The following RGL1 variants were observed in gnomAD, a reference collection of about 807,000 sequenced individuals.
RGL1 encodes ral guanine nucleotide dissociation stimulator like 1, also known as ral guanine nucleotide dissociation stimulator-like 1.
In RGL1, 24 loss-of-function variants were observed where a neutral mutation model predicts 95.2. The observed-to-expected ratio is 0.25, with a 90% CI of 0.18 to 0.35. The LOEUF (loss-of-function observed/expected upper bound fraction) is 0.35, where lower values mean the gene tolerates loss of function less well. RGL1 is among the 10% of genes least tolerant of loss of function. The pLI, the probability that RGL1 is intolerant of heterozygous loss-of-function variation, is 1.00. For synonymous variants in RGL1, 329 were observed against 344.9 expected, an observed-to-expected ratio of 0.95 and a Z score of 0.51; for missense variants, 715 against 936.3, an observed-to-expected ratio of 0.76 and a Z score of 3.08.
At chr1:183,796,708 C>T (rs1345994442) in intron 2 of RGL1, among the ~76,000 whole-genome samples, 1 of 152,102 alleles carries the variant, frequency 6.6e-6, no homozygotes, top group African/African-American at 2.4e-5. Context: ...AAAGGAGATT[C>T]CTTCAGTCCC....
At chr1:183,652,053 AGATT>A (rs1236370804) in intron 1 of RGL1, among the ~76,000 whole-genome samples, 2 of 152,224 alleles carry the variant, frequency 1.3e-5, no homozygotes, top group Non-Finnish European at 2.9e-5. Flanking sequence ...GACAATTTAC[AGATT>A]GATTTGGCTA....
intron 1 of RGL1, among the ~76,000 whole-genome samples, chr1:183,707,998 AATTTCTCCCC>A (rs1344608451): frequency 6.6e-6 from 1 of 152,184 alleles, no homozygotes; most frequent in African/African-American, 2.4e-5. Context: ...GGACATAAGG[AATTTCTCCCC>A]ATTTCTCCAG....
chr1:183,762,283 TGTAAC>T (rs1658710506), intron 2 of RGL1, among the ~76,000 whole-genome samples: 1 of 152,208 alleles, frequency 6.6e-6, no homozygotes, highest in African/African-American at 2.4e-5. Flanking sequence ...GCAAGAGATG[TGTAAC>T]TCTTCCTTTC....
chr1:183,913,179 C>CTTT (rs1366788766), intron 15 of RGL1, among the ~76,000 whole-genome samples: 2 of 101,676 alleles, frequency 2.0e-5, no homozygotes, highest in East Asian at 2.5e-4. Context: ...TAAGACCAGT[C>CTTT]TTCTTTTTTT....
Position 183,805,127 on chromosome 1 carries a change from G to A in RGL1, c.-171G>A, listed in dbSNP as rs1661195013. Reference sequence around the variant, plus strand: ...GCTCGCCGCGCTCCCTTTGTGGCCCGAGTCGCGCGCACCGGCGGCGGCGGG... The same window carrying A: ...GCTCGCCGCGCTCCCTTTGTGGCCCAAGTCGCGCGCACCGGCGGCGGCGGG... On this transcript the variant is annotated 5_prime_UTR_variant, in exon 1 of 18. Coordinates refer to ENST00000360851, the MANE Select transcript of RGL1 (RefSeq NM_001297671.3). 1.2e-6 allele frequency: 1 copy of A among 800,114 alleles called. No individual in the cohort carries two copies. The highest frequency in any genetic ancestry group is 3.7e-5 in the East Asian group (1 of 27,034). The allele number at this position is 800,114 out of a possible 1,614,324, so 49.6% of individuals were successfully genotyped here. A position where few individuals can be genotyped will look rare whatever the true frequency, so the allele number is the denominator to read the frequency against.
chr1:183,689,304 G>A (rs889084107), intron 1 of RGL1, among the ~76,000 whole-genome samples: 11 of 152,182 alleles, frequency 7.2e-5, no homozygotes, highest in African/African-American at 2.7e-4. Context: ...TGGCCTTACT[G>A]AAATGGAGGC....
chr1:183,846,775 G>A (rs1446443434), intron 2 of RGL1, among the ~76,000 whole-genome samples: 1 of 152,128 alleles, frequency 6.6e-6, no homozygotes, highest in Non-Finnish European at 1.5e-5. Context: ...AGCTACTCGG[G>A]AGGCTGAGGC....
intron 2 of RGL1, chr1:183,754,431 TA>T (rs1272627062): frequency 6.6e-6 from 1 of 152,126 alleles, no homozygotes; most frequent in East Asian, 1.9e-4. Context: ...CTTAACATAA[TA>T]AAAGTTTATT....
intron 16 of RGL1, among the ~76,000 whole-genome samples, chr1:183,919,161 G>A (rs1478903392): frequency 6.6e-6 from 1 of 152,208 alleles, no homozygotes; most frequent in African/African-American, 2.4e-5. Flanking sequence ...CACATTGCAT[G>A]TTAATGTAAA....
chr1:183,701,846 A>T (rs1654615197), intron 1 of RGL1, among the ~76,000 whole-genome samples: 1 of 152,172 alleles, frequency 6.6e-6, no homozygotes, highest in Admixed American at 6.5e-5. Flanking sequence ...CTGAGGCAAG[A>T]GAATTGCTTG....
intron 2 of RGL1, among the ~76,000 whole-genome samples, chr1:183,770,570 C>G (rs1174370657): frequency 6.6e-6 from 1 of 152,160 alleles, no homozygotes; most frequent in Non-Finnish European, 1.5e-5. Flanking sequence ...AGACCAGTCT[C>G]AAATCCGTCT....
chr1:183,657,447 C>T (rs1221016850), intron 1 of RGL1, among the ~76,000 whole-genome samples: 2 of 152,170 alleles, frequency 1.3e-5, no homozygotes, highest in Non-Finnish European at 2.9e-5. Context: ...CCGCTCCCTC[C>T]ACCCCACAAC....
chr1:183,827,397 A>G (rs552888279), intron 2 of RGL1, among the ~76,000 whole-genome samples: 3 of 152,314 alleles, frequency 2.0e-5, no homozygotes, highest in Middle Eastern at 6.8e-3. Context: ...AGAGAAATAT[A>G]TGGCAGCTAA....
intron 2 of RGL1, among the ~76,000 whole-genome samples, chr1:183,824,042 C>T (rs1662680915): frequency 6.6e-6 from 1 of 151,732 alleles, no homozygotes; most frequent in Non-Finnish European, 1.5e-5. Context: ...CCTGCTTTGG[C>T]CTCTCAAGGT....
intron 1 of RGL1, among the ~76,000 whole-genome samples, chr1:183,661,173 C>G (rs1651593293): frequency 6.6e-6 from 1 of 152,246 alleles, no homozygotes; most frequent in Admixed American, 6.5e-5. Flanking sequence ...CAAAGACATT[C>G]AAAAGCTAGC....
chr1:183,677,309 T>C (rs929563610), intron 1 of RGL1, among the ~76,000 whole-genome samples: 2 of 151,422 alleles, frequency 1.3e-5, no homozygotes, highest in African/African-American at 2.4e-5. Context: ...CTCTCTCTCT[T>C]TTTTTTTCTA....
intron 1 of RGL1, among the ~76,000 whole-genome samples, chr1:183,649,293 T>C (rs1017854062): frequency 3.9e-5 from 6 of 152,256 alleles, no homozygotes; most frequent in African/African-American, 1.4e-4. Context: ...TCAGTAAATA[T>C]TAACTCTTAG....
intron 2 of RGL1, among the ~76,000 whole-genome samples, chr1:183,758,926 T>C (rs1163693503): frequency 6.6e-6 from 1 of 152,210 alleles, no homozygotes; most frequent in African/African-American, 2.4e-5. Context: ...ATAATTGAGC[T>C]CTGTTCCACT....
At chr1:183,861,185 A>G (rs1018377512) in intron 3 of RGL1, among the ~76,000 whole-genome samples, 2 of 152,196 alleles carry the variant, frequency 1.3e-5, no homozygotes, top group African/African-American at 2.4e-5. Context: ...TAAGTTCTCA[A>G]TAATTATTAA....
Sources: allele counts gnomAD v4.1 joint callset (sites outside exome capture counted in the v4.1 genomes callset), GRCh38; gene constraint gnomAD v4.1.1; transcripts MANE v1.5; gene names NCBI Gene and HGNC (gene_info 2026-07-23, HGNC 2026-07-21).